SULF2: variants seen among roughly 807,000 people sequenced by gnomAD.
SULF2 encodes the protein extracellular sulfatase Sulf-2.
A neutral mutation model predicts 107.7 loss-of-function variants in SULF2; 52 were observed. That is an observed-to-expected ratio of 0.48 (90% CI 0.39 to 0.61). The LOEUF is 0.61. Among genes scored for constraint, SULF2 ranks in the 20% least tolerant of loss-of-function variants. SULF2 has a pLI of 0.00. For synonymous variants in SULF2, 460 were observed against 464.3 expected (o/e 0.99, Z 0.12); for missense variants, 993 against 1,177.3 (o/e 0.84, Z 2.29).
At chr20:47,712,214 C>T (rs1688247804) in intron 3 of SULF2, among the ~76,000 whole-genome samples, 1 of 152,246 alleles carries the variant, frequency 6.6e-6, no homozygotes, top group Non-Finnish European at 1.5e-5. Flanking sequence ...CTTCTGAGTC[C>T]AAGAGCCATC....
intron 3 of SULF2, among the ~76,000 whole-genome samples, chr20:47,713,028 C>G (rs941961212): frequency 1.3e-5 from 2 of 151,784 alleles, no homozygotes; most frequent in African/African-American, 4.8e-5. Context: ...GTAACAGAGC[C>G]AGACCCTGTC....
At chr20:47,780,259 T>A (rs2090804882) in intron 1 of SULF2, among the ~76,000 whole-genome samples, 1 of 151,916 alleles carries the variant, frequency 6.6e-6, no homozygotes, top group Non-Finnish European at 1.5e-5. Context: ...TCCAGTGATC[T>A]AACTGCCTCA....
chr20:47,726,176 CT>C (rs1215320275), intron 3 of SULF2, among the ~76,000 whole-genome samples: 1 of 152,186 alleles, frequency 6.6e-6, no homozygotes, highest in Non-Finnish European at 1.5e-5. Flanking sequence ...TCACTCCCCA[CT>C]CCCAAAAGAT....
In SULF2 at chr20:47,696,331, A is replaced by T. The variant is rs2088375028; in HGVS notation, c.568-6036T>A. Among the ~76,000 whole-genome samples the T allele has an allele frequency of 2.0e-5, 3 of 152,236 alleles. No homozygotes were observed. In the South Asian group the frequency reaches 6.2e-4, roughly 32 times the overall value. On this transcript the variant is annotated intron_variant, in intron 4 of 20. Coordinates refer to ENST00000688720, the MANE Select transcript of SULF2 (RefSeq NM_001387048.1). Reference sequence around the variant, plus strand: ...ATTATTCCTCAAGAACCATATGCCTACATTTTCTTTGTGAAAATTAAAATA... The same window carrying T: ...ATTATTCCTCAAGAACCATATGCCTTCATTTTCTTTGTGAAAATTAAAATA...
chr20:47,731,110 C>A (rs2089589148), intron 3 of SULF2, among the ~76,000 whole-genome samples: 1 of 151,860 alleles, frequency 6.6e-6, no homozygotes, highest in Non-Finnish European at 1.5e-5. Context: ...CATGTCCAGA[C>A]CTCCAGCCTC....
At chr20:47,738,087 C>T (rs1236006613) in intron 2 of SULF2, among the ~76,000 whole-genome samples, 1 of 152,094 alleles carries the variant, frequency 6.6e-6, no homozygotes, top group Non-Finnish European at 1.5e-5. Flanking sequence ...CAGAGCAAGA[C>T]ACTTAGGAAG....
chr20:47,673,660 A>G (rs985471003), intron 10 of SULF2, among the ~76,000 whole-genome samples: 4 of 152,332 alleles, frequency 2.6e-5, no homozygotes, highest in Admixed American at 2.6e-4. Context: ...CAATGCATGC[A>G]GGCCCTTCCA....
chr20:47,775,693 G>T (rs1464281699), intron 1 of SULF2, among the ~76,000 whole-genome samples: 1 of 152,122 alleles, frequency 6.6e-6, no homozygotes, highest in Non-Finnish European at 1.5e-5. Flanking sequence ...TAGCACAGAT[G>T]GTACAAAGAT....
intron 4 of SULF2, among the ~76,000 whole-genome samples, chr20:47,697,349 CCTT>C (rs147960026): frequency 6.6e-6 from 1 of 152,340 alleles, no homozygotes; most frequent in East Asian, 1.9e-4. Flanking sequence ...TCCTCAGAGG[CCTT>C]CTGAGGGGGG....
intron 3 of SULF2, among the ~76,000 whole-genome samples, chr20:47,728,600 C>T (rs1031625795): frequency 6.6e-5 from 10 of 152,096 alleles, no homozygotes; most frequent in South Asian, 4.1e-4. Context: ...CCTGGCAACC[C>T]GCGAGGGCAC....
At chr20:47,692,650 A>T (rs1401724919) in intron 4 of SULF2, among the ~76,000 whole-genome samples, 1 of 152,116 alleles carries the variant, frequency 6.6e-6, no homozygotes, top group African/African-American at 2.4e-5. Flanking sequence ...AACAGTGGTT[A>T]GCCCAAGTAG....
chr20:47,713,758 A>AT (rs1306511540), intron 3 of SULF2, among the ~76,000 whole-genome samples: 163 of 59,926 alleles, frequency 2.7e-3, no homozygotes, highest in Middle Eastern at 0.01. Context: ...TCTGAAAAAA[A>AT]AAAAATAATA....
chr20:47,733,295 G>C (rs188760562), intron 3 of SULF2, among the ~76,000 whole-genome samples: 175 of 152,314 alleles, frequency 1.1e-3, no homozygotes, highest in Non-Finnish European at 2.1e-3. Flanking sequence ...TGAAAAAATT[G>C]ATCAAATCCT....
rs190860940 is a variant in SULF2, at chr20:47,684,317, C to G, written c.888+114G>C. 8.6e-3 allele frequency: 10,498 copies of G among 1,221,872 alleles called. 48 individuals carry two copies. Among genetic ancestry groups the G allele is most frequent in the Non-Finnish European group, 0.01 (9,432 of 907,580 alleles). The allele number at this position is 1,221,872 out of a possible 1,614,324, so 75.7% of individuals were successfully genotyped here. A position where few individuals can be genotyped will look rare whatever the true frequency, so the allele number is the denominator to read the frequency against. ...GTCTAGCACATGGGGCCTCTTCATT[C>G]TGCCTTTGATTTCTATTCCTCCAGG... On this transcript the variant is annotated intron_variant, in intron 6 of 20. Coordinates refer to ENST00000688720, the MANE Select transcript of SULF2 (RefSeq NM_001387048.1).
chr20:47,687,717 T>C (rs2088059609), intron 5 of SULF2, among the ~76,000 whole-genome samples: 1 of 151,908 alleles, frequency 6.6e-6, no homozygotes, highest in Non-Finnish European at 1.5e-5. Flanking sequence ...GTGTGTGTTT[T>C]TTTTTTTCGA....
At chr20:47,785,170 G>T (rs1194238087) in intron 1 of SULF2, among the ~76,000 whole-genome samples, 173 bp downstream of exon 1, 1 of 141,882 alleles carries the variant, frequency 7.0e-6, no homozygotes, top group African/African-American at 2.5e-5. Context: ...CGCCCGCCCG[G>T]ACCCACCTCC....
intron 2 of SULF2, among the ~76,000 whole-genome samples, chr20:47,748,039 G>A (rs1040332210): frequency 3.3e-5 from 5 of 152,126 alleles, no homozygotes; most frequent in African/African-American, 1.2e-4. Context: ...ACCTACAGCC[G>A]GGGTGTGCCT....
At chr20:47,662,869 A>G (rs1046007354) in intron 17 of SULF2, among the ~76,000 whole-genome samples, 4 of 151,896 alleles carry the variant, frequency 2.6e-5, no homozygotes, top group Non-Finnish European at 2.9e-5. Context: ...TGATGGAGGC[A>G]AAAAGCAGGG....
In SULF2 at chr20:47,690,220, GC is replaced by G; in HGVS notation, c.642del (p.Arg214SerfsTer55). On this transcript the variant is annotated frameshift_variant, in exon 5 of 21. Coordinates refer to ENST00000688720, the MANE Select transcript of SULF2 (RefSeq NM_001387048.1). LOFTEE classifies it high-confidence loss of function. The part of the protein sequence containing the change: ...FRTSKKMYPH[R>X]PVLMVISHAA... ...GCATGGCTGATGACCATGAGGACTG[GC>G]CTGTGCGGGTACATCTTCTTGGACG... 1 of 1,577,816 alleles carries G rather than the reference GC, an allele frequency of 6.3e-7. No homozygotes were observed. The highest frequency in any genetic ancestry group is 8.6e-7 in the Non-Finnish European group (1 of 1,158,968).
Sources: gnomAD v4.1 joint callset for allele counts (sites outside exome capture counted in the v4.1 genomes callset) on GRCh38, gnomAD v4.1.1 for gene constraint, MANE v1.5 for transcripts, NCBI Gene and HGNC (gene_info 2026-07-23, HGNC 2026-07-21) for gene names.